UTP14A: variants seen among roughly 807,000 people sequenced by gnomAD.
UTP14A encodes UTP14A small subunit processome component, also known as U3 small nucleolar RNA-associated protein 14 homolog A.
UTP14A carries 5 observed loss-of-function variants against 57.2 expected under a neutral mutation model. The observed-to-expected ratio is 0.09, with a 90% CI of 0.05 to 0.18. UTP14A has a LOEUF of 0.18. Ranked by LOEUF, UTP14A falls within the 10% of genes least tolerant of loss-of-function variation. The probability of loss-of-function intolerance (pLI) is 1.00; values close to 1 mark genes in which losing one functional copy is unlikely to be tolerated. For missense variants in UTP14A, 430 were observed against 562.1 expected, an observed-to-expected ratio of 0.76 and a Z score of 2.38; for synonymous variants, 169 against 210.9, an observed-to-expected ratio of 0.80 and a Z score of 1.72.
At chrX:129,911,419 C>T (rs1478191838) in intron 5 of UTP14A, among the ~76,000 whole-genome samples, 1 of 110,667 alleles carries the variant, frequency 9.0e-6, no homozygotes, top group East Asian at 2.8e-4. Context: ...CCCGTCTCTA[C>T]TAAAAATACA....
At chrX:129,912,071 T>C (rs1929495020) in intron 6 of UTP14A, 150 bp downstream of exon 6, 1 of 684,635 alleles carries the variant, frequency 1.5e-6, no homozygotes, top group Non-Finnish European at 2.1e-6. Context: ...CCATCGTCAT[T>C]GTCAGTCATG....
At chrX:129,928,136 T>A (rs1930171167) in intron 14 of UTP14A, among the ~76,000 whole-genome samples, 1 of 108,966 alleles carries the variant, frequency 9.2e-6, no homozygotes, top group African/African-American at 3.3e-5. Flanking sequence ...ATCCCAGCAC[T>A]TTGGGAGGCC....
intron 2 of UTP14A, 89 bp downstream of exon 2, chrX:129,907,531 T>C: frequency 1.2e-6 from 1 of 803,254 alleles, no homozygotes; most frequent in South Asian, 2.7e-5. Context: ...TATGTATTTG[T>C]TCAGGTCTCT....
At chrX:129,910,916 C>G in intron 4 of UTP14A, 92 bp from the exon 5 acceptor site, 1 of 1,083,137 alleles carries the variant, frequency 9.2e-7, no homozygotes, top group Non-Finnish European at 1.2e-6. Context: ...CATTTGCCAT[C>G]TACTGGCATT....
chrX:129,908,921 T>C (rs927188837), intron 4 of UTP14A, among the ~76,000 whole-genome samples, 187 bp downstream of exon 4: 4 of 111,938 alleles, frequency 3.6e-5, no homozygotes, highest in African/African-American at 9.7e-5. Flanking sequence ...AAAGAAAGCC[T>C]AGAAGGCTGT....
In UTP14A at chrX:129,921,180, A is replaced by G. The variant is rs1569339414; in HGVS notation, c.955-14A>G. On this transcript the variant is annotated splice_polypyrimidine_tract_variant and intron_variant, in intron 10 of 14. Transcript: ENST00000394422. ...CTAATGACAGGGCTCTCATGCTGTG[A>G]CTCTTTCCTCCAGGCTCGCCAAGCT... 8.4e-7 allele frequency: 1 copy of G among 1,192,790 alleles called. No individual in the cohort carries two copies. The highest frequency in any genetic ancestry group is 2.3e-5 in the Admixed American group (1 of 43,690).
chrX:129,908,805 C>G, intron 4 of UTP14A, 71 bp downstream of exon 4: 2 of 1,010,212 alleles, frequency 2.0e-6, no homozygotes, highest in South Asian at 1.9e-5. Flanking sequence ...TTCACCTCAC[C>G]CCCCCTAGGA....
rs958684744 is a variant in UTP14A, at chrX:129,920,404, A to G, written c.753-53A>G. ...TTGGGTAGTATGGGCACTTGTGCCTATGACATCCGTGCTTCAGCTAAATTG... is the reference window on the plus strand; with the variant it reads ...TTGGGTAGTATGGGCACTTGTGCCTGTGACATCCGTGCTTCAGCTAAATTG... On this transcript the variant is annotated intron_variant, in intron 8 of 14. Coordinates refer to ENST00000394422, the MANE Select transcript of UTP14A (RefSeq NM_006649.4). 4 of 1,207,774 alleles carry G rather than the reference A, an allele frequency of 3.3e-6. No individual in the cohort carries two copies. The African/African-American group carries it at 7.0e-5, about 21-fold the overall frequency.
chrX:129,914,519 G>A (rs760340965), intron 6 of UTP14A, among the ~76,000 whole-genome samples: 66 of 109,131 alleles, frequency 6.0e-4, no homozygotes, highest in Admixed American at 1.2e-3. Context: ...AGAAGGTACA[G>A]TGAGCCGAGA....
rs1264599911 is a variant in UTP14A, at chrX:129,921,229, C to G, written c.990C>G (p.Asn330Lys). Reference sequence around the variant, plus strand: ...CTATGCAGGAACAGTTGTCTAAGAACAAAGAACTGACACAGAAACTCCAGG... The same window carrying G: ...CTATGCAGGAACAGTTGTCTAAGAAGAAAGAACTGACACAGAAACTCCAGG... ...RQAMQEQLSK[N>K]KELTQKLQVA... The change falls in exon 11 of 15, where the codon AAC becomes AAG. Residue 330 changes from asparagine (N) to lysine (K), a missense_variant. By Grantham distance (94) the Asn-to-Lys change is moderately conservative. Around this residue, in one of 4 missense-constraint regions of UTP14A, gnomAD observed 83 missense variants for 140.4 expected, o/e 0.59. Transcript: ENST00000394422. 2 of 1,208,234 alleles carry G rather than the reference C, an allele frequency of 1.7e-6. No homozygotes were observed. Among genetic ancestry groups the G allele is most frequent in the Non-Finnish European group, 2.2e-6 (2 of 894,604 alleles).
At chrX:129,921,108 A>T in intron 10 of UTP14A, 86 bp from the exon 11 acceptor site, 1 of 1,139,613 alleles carries the variant, frequency 8.8e-7, no homozygotes, top group Non-Finnish European at 1.2e-6. Flanking sequence ...TCAAATTGAG[A>T]GGAGGCAGCT....
intron 6 of UTP14A, among the ~76,000 whole-genome samples, chrX:129,918,389 C>CAAAAAAAA (rs1929767948): frequency 2.0e-5 from 1 of 49,763 alleles, no homozygotes. Context: ...GACTCTGTCT[C>CAAAAAAAA]AGAAAACAAA....
intron 6 of UTP14A, chrX:129,913,322 T>A (rs953940186): frequency 3.0e-6 from 1 of 336,566 alleles, no homozygotes; most frequent in South Asian, 2.7e-5. Flanking sequence ...GGCTTCCTTT[T>A]CTACATGAAA....
At chrX:129,928,650 A>G (rs768017223) in intron 14 of UTP14A, among the ~76,000 whole-genome samples, 2 of 110,418 alleles carry the variant, frequency 1.8e-5, no homozygotes, top group African/African-American at 6.6e-5. Flanking sequence ...GCTACTCGGG[A>G]GGCTGAGGCA....
chrX:129,915,993 G>A (rs1172220553), intron 6 of UTP14A, among the ~76,000 whole-genome samples: 3 of 87,998 alleles, frequency 3.4e-5, no homozygotes, highest in Admixed American at 2.9e-4. Flanking sequence ...TTGCTCTGTC[G>A]CCCAGGCTGG....
intron 11 of UTP14A, among the ~76,000 whole-genome samples, chrX:129,924,077 C>T (rs1037607758): frequency 3.7e-5 from 4 of 108,278 alleles, no homozygotes; most frequent in Middle Eastern, 4.7e-3. Flanking sequence ...CCAGCTTAGC[C>T]TCCCAAGTAG....
At chrX:129,911,585 T>C (rs979222775) in intron 5 of UTP14A, among the ~76,000 whole-genome samples, 181 bp from the exon 6 acceptor site, 1 of 111,177 alleles carries the variant, frequency 9.0e-6, no homozygotes, top group Non-Finnish European at 1.9e-5. Context: ...ATAATAATAA[T>C]CTAGGAGAAA....
intron 12 of UTP14A, 27 bp from the exon 13 acceptor site, chrX:129,925,892 C>G (rs1930086868): frequency 1.7e-6 from 2 of 1,205,196 alleles, no homozygotes; most frequent in Non-Finnish European, 2.2e-6. Flanking sequence ...ATAAGCCAAG[C>G]TGTAGCTCTC....
chrX:129,925,135 C>A lies in UTP14A; in HGVS notation c.1689C>A (p.Asn563Lys), dbSNP rs765307617. The A allele has an allele frequency of 3.3e-6, 4 of 1,211,651 alleles. No homozygotes were observed. The Admixed American group carries it at 8.7e-5, about 26-fold the overall frequency. ...KKKEQMIDLQ[N>K]LLTTQSPSVK... ...AGGAGCAAATGATCGACCTACAGAA[C>A]CTCCTAACCACACAATCTCCCTCCG... The change falls in exon 12 of 15, where the codon AAC becomes AAA. Residue 563 changes from asparagine to lysine, a missense_variant. Coordinates refer to ENST00000394422, the MANE Select transcript of UTP14A (RefSeq NM_006649.4).
Sources: allele counts gnomAD v4.1 joint callset (sites outside exome capture counted in the v4.1 genomes callset), GRCh38; gene constraint gnomAD v4.1.1; regional missense constraint gnomAD v4.1.1; transcripts MANE v1.5; gene names NCBI Gene and HGNC (gene_info 2026-07-23, HGNC 2026-07-21).